The following TNFSF13B variants were observed in gnomAD, a reference collection of about 807,000 sequenced individuals.
The protein encoded by TNFSF13B is tumor necrosis factor ligand superfamily member 13B.
A neutral mutation model predicts 29.1 loss-of-function variants in TNFSF13B; 8 were observed. The observed-to-expected ratio is 0.27, with a 90% CI of 0.16 to 0.50. The LOEUF is 0.50. Among genes scored for constraint, TNFSF13B ranks in the 20% least tolerant of loss-of-function variants. The pLI, the probability that TNFSF13B is intolerant of heterozygous loss-of-function variation, is 0.98. For synonymous variants in TNFSF13B, 125 were observed against 130.8 expected (o/e 0.96, Z 0.30); for missense variants, 248 against 334.9 (o/e 0.74, Z 2.03).
chr13:108,275,400 A>G (rs1880735579), intron 2 of TNFSF13B, among the ~76,000 whole-genome samples: 2 of 152,126 alleles, frequency 1.3e-5, no homozygotes, highest in Non-Finnish European at 2.9e-5. Context: ...TTAGGTAACC[A>G]TTGTATTTTC....
intron 2 of TNFSF13B, among the ~76,000 whole-genome samples, chr13:108,272,603 T>C (rs1880650324): frequency 6.6e-6 from 1 of 152,214 alleles, no homozygotes; most frequent in Admixed American, 6.5e-5. Context: ...ATGTATTAAA[T>C]AGTTCTTTTT....
Position 108,269,922 on chromosome 13 carries a change from G to C in TNFSF13B, c.27G>C (p.Gln9His). The stretch of plus-strand genomic sequence containing the variant: ...TGGATGACTCCACAGAAAGGGAGCA[G>C]TCACGCCTTACTTCTTGCCTTAAGA... MDDSTERE[Q>H]SRLTSCLKKR... Residue 9 changes from glutamine (Q) to histidine (H), a missense_variant, in exon 1 of 6, where the codon CAG (glutamine) becomes CAC (histidine). This residue lies in a region of TNFSF13B where 186 missense variants were observed against 196.3 expected (regional missense o/e 0.95). Coordinates refer to ENST00000375887, the MANE Select transcript of TNFSF13B (RefSeq NM_006573.5). The C allele has an allele frequency of 6.2e-7, 1 of 1,612,454 alleles. No homozygotes were observed. Among genetic ancestry groups the C allele is most frequent in the Non-Finnish European group, 8.5e-7 (1 of 1,179,660 alleles).
At chr13:108,305,165 C>T (rs187172187) in intron 5 of TNFSF13B, among the ~76,000 whole-genome samples, 2 of 151,982 alleles carry the variant, frequency 1.3e-5, no homozygotes, top group African/African-American at 4.8e-5. Context: ...GAGTACCATC[C>T]TCTAGTAAGT....
intron 3 of TNFSF13B, among the ~76,000 whole-genome samples, chr13:108,287,807 C>A (rs992310010): frequency 5.9e-5 from 9 of 152,100 alleles, no homozygotes; most frequent in Admixed American, 2.0e-4. Context: ...TTATTTGAAG[C>A]CTTTTTTAGT....
At chr13:108,286,884 G>C in intron 3 of TNFSF13B, 25 bp downstream of exon 3, 1 of 1,520,046 alleles carries the variant, frequency 6.6e-7, no homozygotes, top group Non-Finnish European at 8.9e-7. Flanking sequence ...CAAAGACTTG[G>C]AACCAAGCCA....
intron 2 of TNFSF13B, among the ~76,000 whole-genome samples, chr13:108,271,867 C>T: frequency 6.6e-6 from 1 of 151,916 alleles, no homozygotes; most frequent in Non-Finnish European, 1.5e-5. Flanking sequence ...ATTCTCTTTG[C>T]TATAATACAA....
At chr13:108,306,654 AT>A (rs1437423330) in intron 5 of TNFSF13B, among the ~76,000 whole-genome samples, 171 bp from the exon 6 acceptor site, 1 of 150,662 alleles carries the variant, frequency 6.6e-6, no homozygotes, top group South Asian at 2.1e-4. Context: ...TTTCTTCTAA[AT>A]TTTTTTTTAG....
In TNFSF13B at chr13:108,270,176, G is replaced by T. The variant is rs1880569932; in HGVS notation, c.281G>T (p.Gly94Val). 1 of 1,601,974 alleles carries T rather than the reference G, an allele frequency of 6.2e-7. No homozygotes were observed. Among genetic ancestry groups the T allele is most frequent in the Non-Finnish European group, 8.5e-7 (1 of 1,179,454 alleles). Residue 94 changes from glycine to valine, a missense_variant, in exon 1 of 6, where the codon GGA (glycine) becomes GTA (valine). Gly to Val is a moderately radical substitution (Grantham distance 109). Coordinates refer to ENST00000375887, the MANE Select transcript of TNFSF13B (RefSeq NM_006573.5). ...CACCACGCGGAGAAGCTGCCAGCAGGAGCAGGAGCCCCCAAGGCCGGCCTG... is the reference window on the plus strand; with the variant it reads ...CACCACGCGGAGAAGCTGCCAGCAGTAGCAGGAGCCCCCAAGGCCGGCCTG... Reference protein sequence around the residue: ...QGHHAEKLPAGAGAPKAGLEE... With the variant: ...QGHHAEKLPAVAGAPKAGLEE...
intron 3 of TNFSF13B, among the ~76,000 whole-genome samples, chr13:108,300,404 T>A (rs1881584217): frequency 6.6e-6 from 1 of 152,094 alleles, no homozygotes; most frequent in Non-Finnish European, 1.5e-5. Context: ...AAGTATATTA[T>A]TTTTTTAAAA....
intron 2 of TNFSF13B, among the ~76,000 whole-genome samples, chr13:108,273,933 G>A (rs1041394763): frequency 3.3e-5 from 5 of 151,960 alleles, no homozygotes; most frequent in African/African-American, 4.8e-5. Flanking sequence ...CAAGACCAAC[G>A]CCTCCTTTCC....
At chr13:108,283,771 C>G (rs962567088) in intron 2 of TNFSF13B, among the ~76,000 whole-genome samples, 1 of 152,168 alleles carries the variant, frequency 6.6e-6, no homozygotes, top group African/African-American at 2.4e-5. Flanking sequence ...TGAGGACTTG[C>G]TTCCTGGCTT....
rs527580801 is a variant in TNFSF13B, at chr13:108,272,001, C to T, written c.424+1577C>T. ...TCTTCATCACCCTTGCTTCCGACTG[C>T]CATATTGTTTTCAAAATGAGTTATA... On this transcript the variant is annotated intron_variant, in intron 2 of 5. Coordinates refer to ENST00000375887, the MANE Select transcript of TNFSF13B (RefSeq NM_006573.5). 4.6e-5 allele frequency among the ~76,000 whole-genome samples: 7 copies of T among 152,214 alleles called. No individual in the cohort carries two copies. In the South Asian group the frequency reaches 1.2e-3, roughly 27 times the overall value.
rs929406602 is a variant in TNFSF13B at position 108,295,920 on chromosome 13, T to G, written c.482-7333T>G. On this transcript the variant is annotated intron_variant, in intron 3 of 5. Coordinates refer to ENST00000375887, the MANE Select transcript of TNFSF13B (RefSeq NM_006573.5). ...TCAGATTGAAAAACATAAACAGGTT[T>G]CAAGGTCAAAGGATGAAAAACATAT... 4.0e-4 allele frequency among the ~76,000 whole-genome samples: 58 copies of G among 146,234 alleles called. 6 individuals are homozygous for G. The highest frequency in any genetic ancestry group is 3.0e-4 in the Non-Finnish European group (20 of 65,696).
intron 4 of TNFSF13B, 22 bp downstream of exon 4, chr13:108,303,387 G>A (rs758539422): frequency 6.2e-7 from 1 of 1,609,730 alleles, no homozygotes; most frequent in Non-Finnish European, 8.5e-7. Context: ...CCCTAATTCT[G>A]GTTTTACTGT....
intron 3 of TNFSF13B, among the ~76,000 whole-genome samples, chr13:108,297,203 A>T (rs990520486): frequency 6.9e-6 from 1 of 145,622 alleles, no homozygotes; most frequent in Non-Finnish European, 1.5e-5. Context: ...TTTTAAGGAT[A>T]TTTTCCCACA....
At chr13:108,288,580 T>C (rs2139056209) in intron 3 of TNFSF13B, among the ~76,000 whole-genome samples, 1 of 152,330 alleles carries the variant, frequency 6.6e-6, no homozygotes, top group South Asian at 2.1e-4. Flanking sequence ...GAATGAAGTA[T>C]GATTTCTCCT....
At chr13:108,299,551 T>C (rs1158963327) in intron 3 of TNFSF13B, among the ~76,000 whole-genome samples, 3 of 152,250 alleles carry the variant, frequency 2.0e-5, no homozygotes, top group Middle Eastern at 3.4e-3. Context: ...TCTTCTATTA[T>C]CTCTTTTGTT....
intron 3 of TNFSF13B, among the ~76,000 whole-genome samples, chr13:108,296,257 A>G (rs1265267781): frequency 1.4e-5 from 2 of 145,742 alleles, no homozygotes; most frequent in African/African-American, 5.1e-5. Flanking sequence ...ATATCTGCTT[A>G]TATCTTGAGG....
chr13:108,275,458 A>G (rs1393871415), intron 2 of TNFSF13B, among the ~76,000 whole-genome samples: 1 of 152,094 alleles, frequency 6.6e-6, no homozygotes, highest in Non-Finnish European at 1.5e-5. Flanking sequence ...TTTAGGATAC[A>G]GAAAGACAAA....
Sources: gnomAD v4.1 joint callset for allele counts (sites outside exome capture counted in the v4.1 genomes callset) on GRCh38, gnomAD v4.1.1 for gene constraint, gnomAD v4.1.1 regional missense constraint, MANE v1.5 for transcripts, NCBI Gene and HGNC (gene_info 2026-07-23, HGNC 2026-07-21) for gene names.